The following GALNTL6 variants were observed in gnomAD, a reference collection of about 807,000 sequenced individuals.
The protein encoded by GALNTL6 is polypeptide N-acetylgalactosaminyltransferase-like 6.
A neutral mutation model predicts 73.7 loss-of-function variants in GALNTL6; 46 were observed. That is an observed-to-expected ratio of 0.62 (90% CI 0.49 to 0.80). GALNTL6 has a LOEUF of 0.80. Among genes scored for constraint, GALNTL6 ranks in the 30% least tolerant of loss-of-function variants. The pLI is 0.00. For synonymous variants in GALNTL6, 259 were observed against 263.7 expected, an observed-to-expected ratio of 0.98 and a Z score of 0.17; for missense variants, 604 against 755.0, an observed-to-expected ratio of 0.80 and a Z score of 2.34.
chr4:172,300,334 T>A (rs1192689304), intron 3 of GALNTL6, among the ~76,000 whole-genome samples: 5 of 152,134 alleles, frequency 3.3e-5, no homozygotes, highest in Admixed American at 2.0e-4. Context: ...AATTTACCAG[T>A]CTGTGTCTTT....
chr4:172,429,497 C>T (rs560504593), intron 5 of GALNTL6, among the ~76,000 whole-genome samples: 1 of 152,092 alleles, frequency 6.6e-6, no homozygotes, highest in African/African-American at 2.4e-5. Context: ...AGCCTAACCT[C>T]TTAATATCCT....
At chr4:171,907,916 T>C (rs1388963640) in intron 2 of GALNTL6, among the ~76,000 whole-genome samples, 1 of 152,002 alleles carries the variant, frequency 6.6e-6, no homozygotes, top group Non-Finnish European at 1.5e-5. Flanking sequence ...ATTTAATAAA[T>C]GGTGCTGGGA....
chr4:172,376,477 G>C (rs984518100), intron 5 of GALNTL6, among the ~76,000 whole-genome samples: 1 of 152,166 alleles, frequency 6.6e-6, no homozygotes, highest in African/African-American at 2.4e-5. Context: ...AAAAGTGGAA[G>C]CTGGTTCCAG....
intron 2 of GALNTL6, among the ~76,000 whole-genome samples, chr4:172,153,391 G>A (rs1262323380): frequency 2.0e-5 from 3 of 152,094 alleles, no homozygotes; most frequent in Admixed American, 6.6e-5. Context: ...TAAACCAAGG[G>A]CCTAAGTATT....
intron 8 of GALNTL6, among the ~76,000 whole-genome samples, chr4:172,897,543 T>G (rs1325918228): frequency 2.6e-5 from 4 of 152,118 alleles, no homozygotes; most frequent in African/African-American, 9.7e-5. Flanking sequence ...TGGCAGATGG[T>G]TTTTTATTAT....
At chr4:172,192,078 T>C (rs1240098199) in intron 2 of GALNTL6, among the ~76,000 whole-genome samples, 1 of 152,072 alleles carries the variant, frequency 6.6e-6, no homozygotes, top group African/African-American at 2.4e-5. Flanking sequence ...CATAAAATGC[T>C]TATTAAATTG....
At chr4:172,181,804 C>G (rs1579223632) in intron 2 of GALNTL6, among the ~76,000 whole-genome samples, 1 of 151,228 alleles carries the variant, frequency 6.6e-6, no homozygotes, top group African/African-American at 2.4e-5. Context: ...GCAGCCTCCA[C>G]TCCTGGGTTC....
chr4:172,229,131 A>G (rs560124419), intron 2 of GALNTL6, among the ~76,000 whole-genome samples: 1 of 152,198 alleles, frequency 6.6e-6, no homozygotes, highest in Non-Finnish European at 1.5e-5. Context: ...AAAAATGGGG[A>G]TTTACAACTC....
chr4:172,973,754 T>C (rs1263704248), intron 10 of GALNTL6, among the ~76,000 whole-genome samples: 1 of 152,222 alleles, frequency 6.6e-6, no homozygotes, highest in Non-Finnish European at 1.5e-5. Context: ...TGGTTTTTTC[T>C]CTCTTCCTCT....
intron 10 of GALNTL6, among the ~76,000 whole-genome samples, chr4:172,975,474 T>C (rs1750765315): frequency 6.6e-6 from 1 of 152,142 alleles, no homozygotes; most frequent in South Asian, 2.1e-4. Flanking sequence ...TGGGAGGCCA[T>C]GGGTGGGCCC....
At chr4:172,833,056 G>C (rs1560982327) in intron 7 of GALNTL6, among the ~76,000 whole-genome samples, 1 of 151,772 alleles carries the variant, frequency 6.6e-6, no homozygotes. Flanking sequence ...CATATGGTGA[G>C]AGTGTGTGTG....
At chr4:172,844,320 G>A (rs927791118) in intron 7 of GALNTL6, among the ~76,000 whole-genome samples, 2 of 152,078 alleles carry the variant, frequency 1.3e-5, no homozygotes, top group African/African-American at 2.4e-5. Flanking sequence ...TATCTTTCTC[G>A]ATTCTCACAA....
At chr4:171,950,307 A>G (rs1214798883) in intron 2 of GALNTL6, among the ~76,000 whole-genome samples, 1 of 152,168 alleles carries the variant, frequency 6.6e-6, no homozygotes, top group African/African-American at 2.4e-5. Flanking sequence ...GGTAATAGGG[A>G]AGGGAAGGTC....
chr4:172,393,343 A>C (rs1743734681), intron 5 of GALNTL6, among the ~76,000 whole-genome samples: 1 of 152,170 alleles, frequency 6.6e-6, no homozygotes, highest in Non-Finnish European at 1.5e-5. Flanking sequence ...GGATTGTCAC[A>C]AAGTGCCTCC....
intron 2 of GALNTL6, among the ~76,000 whole-genome samples, chr4:171,946,063 A>G (rs1326568193): frequency 6.6e-6 from 1 of 152,196 alleles, no homozygotes; most frequent in African/African-American, 2.4e-5. Flanking sequence ...AGGTTATGGT[A>G]TATACACATA....
intron 2 of GALNTL6, among the ~76,000 whole-genome samples, chr4:171,872,864 A>G (rs1736175795): frequency 6.6e-6 from 1 of 152,296 alleles, no homozygotes; most frequent in East Asian, 1.9e-4. Context: ...CCAACATGTC[A>G]TTTTTGGGGG....
intron 7 of GALNTL6, among the ~76,000 whole-genome samples, chr4:172,869,324 T>C (rs904165013): frequency 1.3e-5 from 2 of 152,136 alleles, no homozygotes; most frequent in African/African-American, 2.4e-5. Context: ...GAAACTGATA[T>C]AGGTGGAGTT....
At chr4:172,335,526 G>A (rs1741283550) in intron 4 of GALNTL6, among the ~76,000 whole-genome samples, 1 of 152,174 alleles carries the variant, frequency 6.6e-6, no homozygotes, top group Non-Finnish European at 1.5e-5. Flanking sequence ...ATTGGTACCA[G>A]CTCTTCTTTG....
intron 5 of GALNTL6, among the ~76,000 whole-genome samples, chr4:172,557,886 A>AT (rs1736205367): frequency 6.6e-6 from 1 of 152,116 alleles, no homozygotes; most frequent in African/African-American, 2.4e-5. Context: ...CAGAAAATTA[A>AT]TTTCTAGATA....
Sources: allele counts gnomAD v4.1 joint callset (sites outside exome capture counted in the v4.1 genomes callset), GRCh38; gene constraint gnomAD v4.1.1; transcripts MANE v1.5; gene names NCBI Gene and HGNC (gene_info 2026-07-23, HGNC 2026-07-21).